CAP2: variants seen among roughly 807,000 people sequenced by gnomAD.
The protein encoded by CAP2 is adenylyl cyclase-associated protein 2.
Under a neutral mutation model 57.7 loss-of-function variants are expected in CAP2, and 24 were observed. The ratio of observed to expected loss-of-function variants is 0.42; its 90% CI spans 0.30 to 0.58. The LOEUF (loss-of-function observed/expected upper bound fraction) is 0.58, where lower values mean the gene tolerates loss of function less well. Ranked by LOEUF, CAP2 falls within the 20% of genes least tolerant of loss-of-function variation. The pLI is 0.22. For missense variants in CAP2, 501 were observed against 590.3 expected, an observed-to-expected ratio of 0.85 and a Z score of 1.57; for synonymous variants, 194 against 207.2, an observed-to-expected ratio of 0.94 and a Z score of 0.55.
At chr6:17,491,563 T>G (rs1354583895) in intron 4 of CAP2, among the ~76,000 whole-genome samples, 2 of 152,180 alleles carry the variant, frequency 1.3e-5, no homozygotes, top group South Asian at 2.1e-4. Flanking sequence ...ACAGATGACA[T>G]AGGAAGAATA....
chr6:17,507,798 C>T (rs148645427), intron 6 of CAP2, 72 bp downstream of exon 6: 7 of 812,534 alleles, frequency 8.6e-6, no homozygotes, highest in Non-Finnish European at 1.5e-5. Context: ...AAACTCAGTC[C>T]AGTTAACTAC....
chr6:17,460,540 A>G (rs1359009525), intron 3 of CAP2, among the ~76,000 whole-genome samples: 3 of 152,236 alleles, frequency 2.0e-5, no homozygotes, highest in African/African-American at 7.2e-5. Context: ...TTATGTTCTC[A>G]TCTTTCCCAG....
intron 1 of CAP2, among the ~76,000 whole-genome samples, chr6:17,414,632 A>AT (rs1268839244): frequency 7.2e-5 from 11 of 152,074 alleles, no homozygotes; most frequent in African/African-American, 2.2e-4. Flanking sequence ...TATGTACCAC[A>AT]TTTTCTTTAT....
chr6:17,451,694 G>C (rs1760408147), intron 3 of CAP2, among the ~76,000 whole-genome samples: 1 of 152,032 alleles, frequency 6.6e-6, no homozygotes, highest in Non-Finnish European at 1.5e-5. Flanking sequence ...ATTTTTAGTA[G>C]AGACGGGGTT....
At chr6:17,444,694 C>A (rs1760200973) in intron 3 of CAP2, among the ~76,000 whole-genome samples, 1 of 147,944 alleles carries the variant, frequency 6.8e-6, no homozygotes, top group African/African-American at 2.5e-5. Context: ...ATGAAATTAG[C>A]AAGTGAAATA....
chr6:17,523,570 T>C (rs937496479), intron 7 of CAP2, among the ~76,000 whole-genome samples: 1 of 152,204 alleles, frequency 6.6e-6, no homozygotes, highest in Admixed American at 6.5e-5. Context: ...GAAAACACTA[T>C]TATTTCAAGA....
intron 7 of CAP2, among the ~76,000 whole-genome samples, chr6:17,537,629 G>A (rs374639087): frequency 7.2e-5 from 11 of 152,150 alleles, no homozygotes; most frequent in Non-Finnish European, 1.3e-4. Context: ...TGGCACTTAC[G>A]TAATGTTTTA....
intron 12 of CAP2, among the ~76,000 whole-genome samples, chr6:17,555,363 T>C (rs1763276186): frequency 6.6e-6 from 1 of 150,540 alleles, no homozygotes; most frequent in Non-Finnish European, 1.5e-5. Context: ...CCCGGCTAAT[T>C]TTGTATTTTT....
At chr6:17,394,872 G>A (rs1451772832) in intron 1 of CAP2, among the ~76,000 whole-genome samples, 1 of 152,212 alleles carries the variant, frequency 6.6e-6, no homozygotes, top group Admixed American at 6.5e-5. Context: ...GCACCAAACA[G>A]TATTTGGCTC....
Position 17,469,595 on chromosome 6 carries a change from GGAGA to G in CAP2, c.300+6531_300+6534del, listed in dbSNP as rs571961064. On this transcript the variant is annotated intron_variant, in intron 4 of 12. Coordinates refer to ENST00000229922, the MANE Select transcript of CAP2 (RefSeq NM_006366.3). ...TGAGTTCTGTATTCCTCCATAAGGGGGAGAGAGAGAGACAGAGAGCGCGTTTCTA... is the reference window on the plus strand; with the variant it reads ...TGAGTTCTGTATTCCTCCATAAGGGGGAGAGAGACAGAGAGCGCGTTTCTA... Among the ~76,000 whole-genome samples, 531 of 152,090 alleles carry G rather than the reference GGAGA, an allele frequency of 3.5e-3. 3 individuals carry two copies. The highest frequency in any genetic ancestry group is 0.012 in the African/African-American group (493 of 41,462).
chr6:17,505,820 G>A (rs1451075148), intron 4 of CAP2, among the ~76,000 whole-genome samples: 13 of 152,116 alleles, frequency 8.5e-5, no homozygotes. Flanking sequence ...AGCAACTGTG[G>A]TATTCTGGAG....
intron 4 of CAP2, among the ~76,000 whole-genome samples, chr6:17,501,481 A>G (rs1012115139): frequency 5.9e-5 from 9 of 152,224 alleles, no homozygotes; most frequent in African/African-American, 2.2e-4. Context: ...AATTCGTTAA[A>G]AAGAAGTAAC....
At chr6:17,436,254 A>C (rs955871431) in intron 3 of CAP2, among the ~76,000 whole-genome samples, 5 of 151,344 alleles carry the variant, frequency 3.3e-5, no homozygotes, top group African/African-American at 1.2e-4. Flanking sequence ...CTCCCAAATA[A>C]CTGGGATTAT....
intron 4 of CAP2, 40 bp downstream of exon 4, chr6:17,463,113 G>A: frequency 7.0e-7 from 1 of 1,423,506 alleles, no homozygotes; most frequent in Non-Finnish European, 9.9e-7. Context: ...CCCAGGGTAT[G>A]CGCAGTGTAA....
At chr6:17,444,405 G>A (rs561690021) in intron 3 of CAP2, among the ~76,000 whole-genome samples, 8 of 152,062 alleles carry the variant, frequency 5.3e-5, no homozygotes, top group Non-Finnish European at 1.2e-4. Flanking sequence ...TTGGGAGGCC[G>A]AGGCAGGCAG....
rs572736685 is a variant in CAP2 at position 17,541,154 on chromosome 6, T to C, written c.1002+6T>C. 6.2e-7 allele frequency: 1 copy of C among 1,605,110 alleles called. No individual in the cohort carries two copies. The highest frequency in any genetic ancestry group is 2.2e-5 in the East Asian group (1 of 44,754). The stretch of plus-strand genomic sequence containing the variant: ...AAGGAAAGAAATGGAGAGTGGTAAG[T>C]GAAGCATTTTAACCTTTATTTTCCT... On this transcript the variant is annotated splice_donor_region_variant and intron_variant, in intron 9 of 12. Transcript: ENST00000229922.
intron 4 of CAP2, among the ~76,000 whole-genome samples, chr6:17,483,764 C>T (rs770557128): frequency 2.0e-5 from 3 of 152,092 alleles, no homozygotes; most frequent in Non-Finnish European, 4.4e-5. Flanking sequence ...TTCCTCTCCC[C>T]GGCGTGGCTG....
intron 1 of CAP2, among the ~76,000 whole-genome samples, chr6:17,413,685 C>CA (rs1336493785): frequency 1.3e-5 from 2 of 152,144 alleles, no homozygotes; most frequent in Non-Finnish European, 2.9e-5. Flanking sequence ...TAGTGAATCA[C>CA]AGGGTTACTT....
intron 7 of CAP2, among the ~76,000 whole-genome samples, chr6:17,528,049 C>T (rs1031133167): frequency 6.6e-6 from 1 of 152,096 alleles, no homozygotes; most frequent in Non-Finnish European, 1.5e-5. Flanking sequence ...GTTTGAGTAC[C>T]CATACAGGCA....
Sources: allele counts gnomAD v4.1 joint callset (sites outside exome capture counted in the v4.1 genomes callset), GRCh38; gene constraint gnomAD v4.1.1; transcripts MANE v1.5; gene names NCBI Gene and HGNC (gene_info 2026-07-23, HGNC 2026-07-21).